The following GABRB2 variants were observed in gnomAD, a reference collection of about 807,000 sequenced individuals.
GABRB2 encodes gamma-aminobutyric acid receptor subunit beta-2.
Under a neutral mutation model 54.7 loss-of-function variants are expected in GABRB2, and 16 were observed. That is an observed-to-expected ratio of 0.29 (90% CI 0.20 to 0.44). The LOEUF is 0.44. GABRB2 is among the 20% of genes least tolerant of loss of function. GABRB2 has a pLI of 1.00. For missense variants in GABRB2, 355 were observed against 644.0 expected (o/e 0.55, Z 4.86); for synonymous variants, 244 against 233.8 (o/e 1.04, Z -0.40).
chr5:161,497,624 A>G (rs1759297898), intron 3 of GABRB2, among the ~76,000 whole-genome samples: 1 of 151,964 alleles, frequency 6.6e-6, no homozygotes, highest in African/African-American at 2.4e-5. Context: ...ATGCTGATGA[A>G]CACCTGCAAA....
intron 3 of GABRB2, among the ~76,000 whole-genome samples, chr5:161,460,388 A>C (rs574513262): frequency 5.3e-5 from 8 of 152,192 alleles, no homozygotes; most frequent in Non-Finnish European, 1.2e-4. Flanking sequence ...AGTACCTGGC[A>C]TGGGCCAGGC....
chr5:161,494,204 G>T (rs569415875), intron 3 of GABRB2, among the ~76,000 whole-genome samples: 1 of 151,806 alleles, frequency 6.6e-6, no homozygotes, highest in South Asian at 2.1e-4. Context: ...GACAAGATTG[G>T]ATAAACATTC....
chr5:161,348,277 C>T (rs1303090680), intron 5 of GABRB2, among the ~76,000 whole-genome samples: 3 of 151,954 alleles, frequency 2.0e-5, no homozygotes, highest in Admixed American at 6.6e-5. Context: ...CAAAAACGAT[C>T]CTATTATCTA....
chr5:161,379,408 G>T (rs1480865211), intron 5 of GABRB2, among the ~76,000 whole-genome samples: 1 of 152,060 alleles, frequency 6.6e-6, no homozygotes, highest in Non-Finnish European at 1.5e-5. Flanking sequence ...TGAGTTTAAA[G>T]AATTTATGCC....
At chr5:161,359,865 G>A (rs1445558476) in intron 5 of GABRB2, among the ~76,000 whole-genome samples, 2 of 152,072 alleles carry the variant, frequency 1.3e-5, no homozygotes, top group Admixed American at 6.6e-5. Flanking sequence ...GGTAGATCAC[G>A]AGGTCAAGAG....
chr5:161,474,800 T>C (rs1758546476), intron 3 of GABRB2, among the ~76,000 whole-genome samples: 1 of 151,978 alleles, frequency 6.6e-6, no homozygotes, highest in African/African-American at 2.4e-5. Flanking sequence ...AATAAATTGG[T>C]TTTTATATCT....
chr5:161,415,146 C>A (rs543614007), intron 4 of GABRB2, among the ~76,000 whole-genome samples: 1 of 152,270 alleles, frequency 6.6e-6, no homozygotes, highest in East Asian at 1.9e-4. Context: ...CATCATTATG[C>A]AGGTATCCTG....
At chr5:161,429,008 T>C (rs1037834130) in intron 4 of GABRB2, among the ~76,000 whole-genome samples, 4 of 151,910 alleles carry the variant, frequency 2.6e-5, no homozygotes, top group Non-Finnish European at 5.9e-5. Flanking sequence ...TTTATGTTTA[T>C]TATTATTAGG....
intron 5 of GABRB2, among the ~76,000 whole-genome samples, chr5:161,403,348 T>C (rs1337346295): frequency 6.6e-6 from 1 of 152,120 alleles, no homozygotes; most frequent in East Asian, 1.9e-4. Context: ...CACACTCTCT[T>C]AAAGAGGGAG....
intron 5 of GABRB2, among the ~76,000 whole-genome samples, chr5:161,394,196 A>T (rs1247089466): frequency 6.6e-6 from 1 of 152,038 alleles, no homozygotes; most frequent in African/African-American, 2.4e-5. Context: ...AGATTTTGGG[A>T]AAGTGAATAA....
chr5:161,419,472 G>A (rs1382122868), intron 4 of GABRB2, among the ~76,000 whole-genome samples: 2 of 152,096 alleles, frequency 1.3e-5, no homozygotes, highest in South Asian at 2.1e-4. Context: ...CTAACCAAAG[G>A]AAAATAAACC....
intron 3 of GABRB2, among the ~76,000 whole-genome samples, chr5:161,460,573 A>G (rs1211064473): frequency 6.6e-6 from 1 of 152,200 alleles, no homozygotes; most frequent in Non-Finnish European, 1.5e-5. Flanking sequence ...TTTTAAAAAT[A>G]GTTATGTATT....
rs184474258 is a variant in GABRB2, at chr5:161,342,259, G to A, written c.542-5490C>T. 9.5e-4 allele frequency among the ~76,000 whole-genome samples: 144 copies of A among 151,890 alleles called. 1 individual carries two copies. The highest frequency in any genetic ancestry group is 3.3e-3 in the African/African-American group (138 of 41,494). ...GCATAAATTTAATGTGTACATCACA[G>A]CATTTTATGTGTACATCACAGCACT... On this transcript the variant is annotated intron_variant, in intron 5 of 9. Transcript: ENST00000393959.
chr5:161,325,059 G>C (rs995737797), intron 9 of GABRB2, among the ~76,000 whole-genome samples: 1 of 152,012 alleles, frequency 6.6e-6, no homozygotes, highest in Non-Finnish European at 1.5e-5. Context: ...CAATAATCAT[G>C]TAGTGTGTTT....
chr5:161,433,030 C>G (rs1202477023), intron 4 of GABRB2, among the ~76,000 whole-genome samples: 1 of 152,006 alleles, frequency 6.6e-6, no homozygotes, highest in Non-Finnish European at 1.5e-5. Flanking sequence ...GGGATGCATA[C>G]CAATCTGTAT....
chr5:161,460,177 C>T (rs1373434487), intron 3 of GABRB2, among the ~76,000 whole-genome samples: 2 of 152,250 alleles, frequency 1.3e-5, no homozygotes, highest in South Asian at 4.1e-4. Context: ...AACTATTGAC[C>T]TCAGGTAATC....
chr5:161,499,880 A>G (rs1759377302), intron 3 of GABRB2, among the ~76,000 whole-genome samples: 1 of 152,110 alleles, frequency 6.6e-6, no homozygotes, highest in Admixed American at 6.5e-5. Context: ...AGAAAGTACT[A>G]TATCTTGTAG....
intron 3 of GABRB2, among the ~76,000 whole-genome samples, chr5:161,461,323 C>T (rs1758112832): frequency 6.6e-6 from 1 of 152,128 alleles, no homozygotes; most frequent in African/African-American, 2.4e-5. Flanking sequence ...GACAAGTAGG[C>T]TGGGCTGCAA....
At chr5:161,389,341 T>G (rs574313640) in intron 5 of GABRB2, among the ~76,000 whole-genome samples, 1 of 152,042 alleles carries the variant, frequency 6.6e-6, no homozygotes, top group Admixed American at 6.6e-5. Flanking sequence ...CTAATACATA[T>G]TCCCCAAATT....
Sources: gnomAD v4.1 joint callset for allele counts (sites outside exome capture counted in the v4.1 genomes callset) on GRCh38, gnomAD v4.1.1 for gene constraint, MANE v1.5 for transcripts, NCBI Gene and HGNC (gene_info 2026-07-23, HGNC 2026-07-21) for gene names.